The following DAB1 variants were observed in gnomAD, a reference collection of about 807,000 sequenced individuals.
DAB1 encodes DAB adaptor protein 1.
In DAB1, 15 loss-of-function variants were observed where a neutral mutation model predicts 64.6. The ratio of observed to expected loss-of-function variants is 0.23; its 90% CI spans 0.16 to 0.36. DAB1 has a LOEUF of 0.36. Among genes scored for constraint, DAB1 ranks in the 10% least tolerant of loss-of-function variants. The pLI is 1.00. For missense variants in DAB1, 596 were observed against 706.7 expected (o/e 0.84, Z 1.78); for synonymous variants, 235 against 251.9 (o/e 0.93, Z 0.64).
chr1:57,518,948 C>T (rs1644493836), intron 7 of DAB1, among the ~76,000 whole-genome samples: 1 of 152,144 alleles, frequency 6.6e-6, no homozygotes, highest in Non-Finnish European at 1.5e-5. Context: ...TGAAGAGTGG[C>T]TACAACATCT....
intron 7 of DAB1, among the ~76,000 whole-genome samples, chr1:57,519,107 A>G (rs561115323): frequency 6.6e-6 from 1 of 152,282 alleles, no homozygotes; most frequent in East Asian, 1.9e-4. Context: ...CCCTGTGATA[A>G]TGGCCCCCCA....
chr1:57,195,663 C>G (rs1445437647), intron 2 of DAB1, among the ~76,000 whole-genome samples: 1 of 152,218 alleles, frequency 6.6e-6, no homozygotes, highest in Non-Finnish European at 1.5e-5. Context: ...AACACATGCT[C>G]TAAGTCAGAC....
intron 1 of DAB1, among the ~76,000 whole-genome samples, chr1:57,319,294 G>A (rs2100758839): frequency 6.6e-6 from 1 of 152,260 alleles, no homozygotes; most frequent in Non-Finnish European, 1.5e-5. Flanking sequence ...AGGATGCATT[G>A]GTACCAGCAG....
intron 3 of DAB1, among the ~76,000 whole-genome samples, chr1:58,427,616 G>T (rs1038956305): frequency 6.6e-6 from 1 of 152,184 alleles, no homozygotes; most frequent in African/African-American, 2.4e-5. Flanking sequence ...AAAAGAAAAG[G>T]AGAGCCAAGG....
At chr1:57,449,297 C>A (rs1299716778) in intron 7 of DAB1, among the ~76,000 whole-genome samples, 2 of 151,840 alleles carry the variant, frequency 1.3e-5, no homozygotes, top group East Asian at 3.9e-4. Context: ...CAAAGAAACT[C>A]TGGGTGTGTT....
intron 2 of DAB1, among the ~76,000 whole-genome samples, chr1:57,238,425 G>T (rs1668247788): frequency 6.6e-6 from 1 of 152,228 alleles, no homozygotes; most frequent in Admixed American, 6.5e-5. Flanking sequence ...TCCATACAAA[G>T]ACAATAGCAA....
At chr1:57,397,388 C>T (rs1374659561) in intron 1 of DAB1, among the ~76,000 whole-genome samples, 1 of 152,128 alleles carries the variant, frequency 6.6e-6, no homozygotes, top group Admixed American at 6.5e-5. Context: ...TTTCCACTTG[C>T]TTCTATTATT....
At chr1:57,805,094 A>G (rs972026684) in intron 6 of DAB1, among the ~76,000 whole-genome samples, 1 of 152,160 alleles carries the variant, frequency 6.6e-6, no homozygotes, top group Non-Finnish European at 1.5e-5. Context: ...AGCATGTGGT[A>G]TTGAGATTTA....
intron 5 of DAB1, among the ~76,000 whole-genome samples, chr1:58,103,022 C>A (rs763439480): frequency 1.5e-4 from 23 of 152,114 alleles, no homozygotes; most frequent in Non-Finnish European, 2.9e-4. Flanking sequence ...GGGGTGTCCA[C>A]CATTCTGGAC....
chr1:57,376,860 C>A (rs1030610165), intron 1 of DAB1, among the ~76,000 whole-genome samples: 14 of 152,214 alleles, frequency 9.2e-5, no homozygotes, highest in African/African-American at 3.4e-4. Flanking sequence ...CTTAATGGTT[C>A]TTTTCAACAA....
At chr1:57,781,276 T>A (rs1006737340) in intron 6 of DAB1, among the ~76,000 whole-genome samples, 1 of 151,156 alleles carries the variant, frequency 6.6e-6, no homozygotes, top group African/African-American at 2.4e-5. Flanking sequence ...AACTTTCTCC[T>A]ATTGCTGGAA....
At chr1:58,039,053 T>C (rs1202550917) in intron 5 of DAB1, among the ~76,000 whole-genome samples, 1 of 152,146 alleles carries the variant, frequency 6.6e-6, no homozygotes, top group Non-Finnish European at 1.5e-5. Flanking sequence ...CTGTTAACTA[T>C]GTCTCTTTAG....
At chr1:58,073,601 T>C (rs115578465) in intron 5 of DAB1, among the ~76,000 whole-genome samples, 403 of 152,332 alleles carry the variant, frequency 2.6e-3, no homozygotes, top group Non-Finnish European at 4.4e-3. Context: ...GATTAAATGT[T>C]GACCATATTG....
At chr1:57,460,856 T>G (rs756113479) in intron 7 of DAB1, among the ~76,000 whole-genome samples, 3 of 152,168 alleles carry the variant, frequency 2.0e-5, no homozygotes, top group Non-Finnish European at 2.9e-5. Context: ...TAGGTGTCTC[T>G]CCTCAAACTC....
intron 5 of DAB1, among the ~76,000 whole-genome samples, chr1:57,992,638 T>C (rs1002755242): frequency 1.3e-5 from 2 of 152,162 alleles, no homozygotes; most frequent in Non-Finnish European, 2.9e-5. Context: ...TTCTTTCTGA[T>C]TGATTCTCTC....
At chr1:57,936,270 G>C (rs371452486) in intron 5 of DAB1, among the ~76,000 whole-genome samples, 4 of 152,356 alleles carry the variant, frequency 2.6e-5, no homozygotes, top group African/African-American at 9.6e-5. Flanking sequence ...ATTTAACTCA[G>C]GCTATTTACT....
chr1:58,035,243 T>C (rs947290936), intron 5 of DAB1, among the ~76,000 whole-genome samples: 14 of 152,172 alleles, frequency 9.2e-5, no homozygotes, highest in African/African-American at 3.4e-4. Context: ...CTATTTTAGA[T>C]CCTCCAACCC....
intron 3 of DAB1, among the ~76,000 whole-genome samples, chr1:58,477,231 C>T (rs1323517852): frequency 6.6e-6 from 1 of 151,894 alleles, no homozygotes. Flanking sequence ...CAAAACAAGA[C>T]AAAACAAAAC....
At chr1:57,042,324 T>C (rs1647891463) in intron 9 of DAB1, among the ~76,000 whole-genome samples, 1 of 152,244 alleles carries the variant, frequency 6.6e-6, no homozygotes, top group East Asian at 1.9e-4. Flanking sequence ...TGAATAAGTC[T>C]GTAGGTATAT....
Sources: allele counts gnomAD v4.1 joint callset (sites outside exome capture counted in the v4.1 genomes callset), GRCh38; gene constraint gnomAD v4.1.1; transcripts MANE v1.5; gene names NCBI Gene and HGNC (gene_info 2026-07-23, HGNC 2026-07-21).